DLGAP2: variants seen among roughly 807,000 people sequenced by gnomAD.
The protein encoded by DLGAP2 is disks large-associated protein 2.
A neutral mutation model predicts 100.3 loss-of-function variants in DLGAP2; 26 were observed. That is an observed-to-expected ratio of 0.26 (90% CI 0.19 to 0.36). The LOEUF is 0.36. DLGAP2 is among the 10% of genes least tolerant of loss of function. The pLI, the probability that DLGAP2 is intolerant of heterozygous loss-of-function variation, is 1.00. For synonymous variants in DLGAP2, 886 were observed against 630.1 expected (o/e 1.41, Z -6.08); for missense variants, 1,858 against 1,453.2 (o/e 1.28, Z -4.53).
intron 1 of DLGAP2, among the ~76,000 whole-genome samples, chr8:797,299 T>A (rs1458215368): frequency 6.6e-6 from 1 of 152,264 alleles, no homozygotes; most frequent in African/African-American, 2.4e-5. Flanking sequence ...AAAAATGGAT[T>A]CATAGAGTAT....
intron 3 of DLGAP2, among the ~76,000 whole-genome samples, chr8:1,364,694 T>C (rs1802069106): frequency 6.6e-6 from 1 of 152,174 alleles, no homozygotes; most frequent in African/African-American, 2.4e-5. Context: ...CAAGGAGGAC[T>C]CCAATTAAAG....
chr8:844,499 C>G (rs1480915093), intron 1 of DLGAP2, among the ~76,000 whole-genome samples: 1 of 151,586 alleles, frequency 6.6e-6, no homozygotes, highest in Non-Finnish European at 1.5e-5. Flanking sequence ...CAGTCTCTCT[C>G]GACCCCCTTT....
chr8:1,636,671 C>G (rs966588190), intron 8 of DLGAP2, among the ~76,000 whole-genome samples: 1 of 152,168 alleles, frequency 6.6e-6, no homozygotes, highest in African/African-American at 2.4e-5. Context: ...GATTTTCAGG[C>G]GTGTGAGCCT....
In DLGAP2 at chr8:813,216, T is replaced by A. The variant is rs144834489; in HGVS notation, c.18+75391T>A. ...CAAAAAACCTATTGTGATCTACAGTTTCTGTTATCTCGTGGATATCCTAGT... is the reference window on the plus strand; with the variant it reads ...CAAAAAACCTATTGTGATCTACAGTATCTGTTATCTCGTGGATATCCTAGT... On this transcript the variant is annotated intron_variant, in intron 1 of 14. Coordinates refer to ENST00000637795, the MANE Select transcript of DLGAP2 (RefSeq NM_001346810.2). 2.6e-3 allele frequency among the ~76,000 whole-genome samples: 403 copies of A among 152,268 alleles called. 3 individuals carry two copies. Among genetic ancestry groups the A allele is most frequent in the African/African-American group, 9.3e-3 (388 of 41,554 alleles).
At chr8:1,046,310 G>A (rs1302846629) in intron 2 of DLGAP2, among the ~76,000 whole-genome samples, 1 of 152,162 alleles carries the variant, frequency 6.6e-6, no homozygotes, top group Non-Finnish European at 1.5e-5. Flanking sequence ...ATGTCAAAGT[G>A]TGCATGTGAC....
chr8:1,412,883 C>G (rs1796773591), intron 3 of DLGAP2, among the ~76,000 whole-genome samples: 1 of 152,188 alleles, frequency 6.6e-6, no homozygotes, highest in Admixed American at 6.5e-5. Context: ...CTCTCGCATG[C>G]TATTTCCTGT....
At chr8:1,688,397 G>T (rs759985839) in intron 12 of DLGAP2, 13 of 152,240 alleles carry the variant, frequency 8.5e-5, no homozygotes, top group African/African-American at 2.4e-4. Context: ...TGTTATCCGA[G>T]TTACTTGCTT....
chr8:1,082,428 G>C (rs561774907), intron 2 of DLGAP2, among the ~76,000 whole-genome samples: 1 of 152,154 alleles, frequency 6.6e-6, no homozygotes, highest in South Asian at 2.1e-4. Flanking sequence ...CAGCCAACAC[G>C]GGATACTAAT....
In DLGAP2 at chr8:1,196,508, A is replaced by G. The variant is rs144815007; in HGVS notation, c.74-62343A>G. Among the ~76,000 whole-genome samples the G allele has an allele frequency of 5.1e-3, 771 of 152,312 alleles. 14 individuals carry two copies. The South Asian group carries it at 0.062, about 12-fold the overall frequency. ...CCTCACGTTTCAAGCCTGAGCTGGA[A>G]CAAGTCGTCTGTGATTTTCATAGCA... On this transcript the variant is annotated intron_variant, in intron 2 of 14. Transcript: ENST00000637795.
intron 3 of DLGAP2, among the ~76,000 whole-genome samples, chr8:1,455,445 T>G (rs920549524): frequency 1.3e-5 from 2 of 152,160 alleles, no homozygotes; most frequent in Non-Finnish European, 2.9e-5. Flanking sequence ...GGGAGAGAGC[T>G]GAAAGGAAGA....
chr8:1,507,343 C>G (rs144768128), intron 4 of DLGAP2, among the ~76,000 whole-genome samples: 6 of 152,202 alleles, frequency 3.9e-5, no homozygotes, highest in Non-Finnish European at 8.8e-5. Context: ...CGTGCAGCGC[C>G]GGTGGGCCAG....
chr8:1,666,218 G>C (rs1269712396), intron 8 of DLGAP2, among the ~76,000 whole-genome samples: 1 of 152,158 alleles, frequency 6.6e-6, no homozygotes, highest in African/African-American at 2.4e-5. Context: ...ATTGATTGAC[G>C]TTAGAGGGAA....
At chr8:1,597,044 A>C (rs1311912735) in intron 6 of DLGAP2, among the ~76,000 whole-genome samples, 3 of 152,168 alleles carry the variant, frequency 2.0e-5, no homozygotes, top group African/African-American at 7.2e-5. Context: ...TTTTAGTATA[A>C]GGTGTAAGGA....
In DLGAP2 at chr8:1,647,444, G is replaced by A. The variant is rs557851848; in HGVS notation, c.1810+14398G>A. 9.9e-5 allele frequency among the ~76,000 whole-genome samples: 13 copies of A among 131,008 alleles called. No homozygotes were observed. The East Asian group carries it at 1.3e-3, about 13-fold the overall frequency. 85.9% of individuals were successfully genotyped at this position (131,008 alleles called of 152,430 possible). On this transcript the variant is annotated intron_variant, in intron 8 of 14. Transcript: ENST00000637795. ...GCAGAGCTTGCAGTGAGCCGAGATCGCGCCACTGCACTCCAGCCTGGGAGA... is the reference window on the plus strand; with the variant it reads ...GCAGAGCTTGCAGTGAGCCGAGATCACGCCACTGCACTCCAGCCTGGGAGA...
At chr8:1,520,425 T>G (rs1180247815) in intron 4 of DLGAP2, among the ~76,000 whole-genome samples, 1 of 152,208 alleles carries the variant, frequency 6.6e-6, no homozygotes, top group Non-Finnish European at 1.5e-5. Context: ...CCAGGATTGA[T>G]GTGTTAGTGA....
At chr8:1,162,605 C>T (rs982420500) in intron 2 of DLGAP2, among the ~76,000 whole-genome samples, 2 of 152,192 alleles carry the variant, frequency 1.3e-5, no homozygotes, top group African/African-American at 4.8e-5. Flanking sequence ...GCAATGTGAG[C>T]GTGCATAGCT....
intron 5 of DLGAP2, 84 bp downstream of exon 5, chr8:1,549,767 A>C (rs2130520217): frequency 7.5e-7 from 1 of 1,341,646 alleles, no homozygotes; most frequent in Admixed American, 2.6e-5. Context: ...GACAGATAAC[A>C]ACTGCATACA....
intron 3 of DLGAP2, among the ~76,000 whole-genome samples, chr8:1,479,762 C>A (rs752857897): frequency 2.0e-5 from 3 of 152,134 alleles, no homozygotes; most frequent in African/African-American, 7.2e-5. Context: ...AAGCCCCCTG[C>A]GGTCCAAGCT....
intron 3 of DLGAP2, among the ~76,000 whole-genome samples, chr8:1,329,316 C>G (rs1378675635): frequency 6.6e-6 from 1 of 152,178 alleles, no homozygotes; most frequent in Non-Finnish European, 1.5e-5. Flanking sequence ...TGCTGCATTC[C>G]TGAAATTTCT....
Sources: gnomAD v4.1 joint callset for allele counts (sites outside exome capture counted in the v4.1 genomes callset) on GRCh38, gnomAD v4.1.1 for gene constraint, MANE v1.5 for transcripts, NCBI Gene and HGNC (gene_info 2026-07-23, HGNC 2026-07-21) for gene names.